The following FAM161A variants were observed in gnomAD, a reference collection of about 807,000 sequenced individuals.
FAM161A encodes FAM161 centrosomal protein A.
FAM161A carries 57 observed loss-of-function variants against 70.9 expected under a neutral mutation model. The ratio of observed to expected loss-of-function variants is 0.80; its 90% CI spans 0.65 to 1.00. FAM161A has a LOEUF of 1.00. FAM161A is among the 50% of genes least tolerant of loss of function. FAM161A has a pLI of 0.00. For synonymous variants in FAM161A, 299 were observed against 295.7 expected (o/e 1.01, Z -0.12); for missense variants, 880 against 836.0 (o/e 1.05, Z -0.65).
the FAM161A span, among the ~76,000 whole-genome samples, chr2:61,806,082 G>A: frequency 6.6e-6 from 1 of 152,108 alleles, no homozygotes; most frequent in East Asian, 1.9e-4. Context: ...GCCGGGTGTG[G>A]TGGCACATGC....
chr2:61,847,362 T>G (rs1164873768), intron 1 of FAM161A, among the ~76,000 whole-genome samples: 1 of 152,196 alleles, frequency 6.6e-6, no homozygotes, highest in Non-Finnish European at 1.5e-5. Context: ...GGACTCACTG[T>G]CAGCCCCCTT....
chr2:61,803,792 C>A, the FAM161A span, among the ~76,000 whole-genome samples: 1 of 151,994 alleles, frequency 6.6e-6, no homozygotes, highest in African/African-American at 2.4e-5. Context: ...CCAGCCTGGG[C>A]ACAGAGAAAG....
chr2:61,820,326 T>TGTGGTCATGC (rs1406814168), downstream of FAM161A: 10 of 742,796 alleles, frequency 1.3e-5, no homozygotes, highest in Non-Finnish European at 2.5e-5. Context: ...TCACAGGCTG[T>TGTGGTCATGC]GTGGTCATGA....
chr2:61,838,185 C>T (rs1364285243), intron 4 of FAM161A, among the ~76,000 whole-genome samples: 4 of 152,146 alleles, frequency 2.6e-5, no homozygotes, highest in Non-Finnish European at 5.9e-5. Context: ...CAGATTTCAT[C>T]CAAACCTTAG....
chr2:61,820,967 G>A (rs1395038848), downstream of FAM161A, among the ~76,000 whole-genome samples: 1 of 152,156 alleles, frequency 6.6e-6, no homozygotes, highest in Non-Finnish European at 1.5e-5. Context: ...CAGGCTCTTA[G>A]AGGCAGACTC....
At chr2:61,803,674 C>A in the FAM161A span, among the ~76,000 whole-genome samples, 1 of 152,132 alleles carries the variant, frequency 6.6e-6, no homozygotes, top group Non-Finnish European at 1.5e-5. Context: ...ATTAGCTGGG[C>A]ATGGTGACAC....
downstream of FAM161A, among the ~76,000 whole-genome samples, chr2:61,824,645 G>A (rs1672284710): frequency 1.3e-5 from 2 of 152,002 alleles, no homozygotes; most frequent in South Asian, 2.1e-4. Flanking sequence ...CTGAAGCCAA[G>A]TGTTTCATGA....
chr2:61,825,172 C>A lies in FAM161A; in HGVS notation c.*1283G>T. The A allele has an allele frequency of 6.8e-6, 3 of 438,152 alleles. No individual in the cohort carries two copies. The highest frequency in any genetic ancestry group is 5.0e-5 in the South Asian group (3 of 59,448). 27.1% of individuals were successfully genotyped at this position (438,152 alleles called of 1,614,324 possible). On this transcript the variant is annotated 3_prime_UTR_variant, in exon 7 of 7. Coordinates refer to ENST00000404929, the MANE Select transcript of FAM161A (RefSeq NM_001201543.2). ...TTTTTAGAAAAGAAAATGTCTTATG[C>A]TATATTATCTTTATGATTGGCTTCA... is the stretch of plus-strand genomic sequence containing the variant.
At chr2:61,807,668 C>T in the FAM161A span, among the ~76,000 whole-genome samples, 1 of 125,780 alleles carries the variant, frequency 8.0e-6, no homozygotes, top group Non-Finnish European at 1.6e-5. Context: ...GAGACAAGGT[C>T]TTGCCCTGTC....
the FAM161A span, among the ~76,000 whole-genome samples, chr2:61,806,195 G>A: frequency 2.0e-5 from 3 of 152,062 alleles, no homozygotes; most frequent in Admixed American, 2.0e-4. Flanking sequence ...TCAAGCCTGG[G>A]CGACAGAGCA....
In FAM161A at chr2:61,825,250, G is replaced by T. The variant is rs900832338; in HGVS notation, c.*1205C>A. 2.2e-6 allele frequency: 1 copy of T among 452,454 alleles called. No individual in the cohort carries two copies. Among genetic ancestry groups the T allele is most frequent in the African/African-American group, 2.0e-5 (1 of 49,962 alleles). The allele number at this position is 452,454 out of a possible 1,614,324, so 28.0% of individuals were successfully genotyped here. On this transcript the variant is annotated 3_prime_UTR_variant, in exon 7 of 7. Transcript: ENST00000404929. ...AAAAAAATATAGATTTATAAAATCAGATTAACACTGTACACAGAGAGATAA... is the reference window on the plus strand; with the variant it reads ...AAAAAAATATAGATTTATAAAATCATATTAACACTGTACACAGAGAGATAA...
At position 61,825,357 on chromosome 2, in the gene FAM161A, T is replaced by C. The variant is rs1221405474; in HGVS notation, c.*1098A>G. 2 of 454,070 alleles carry C rather than the reference T, an allele frequency of 4.4e-6. No homozygotes were observed. The highest frequency in any genetic ancestry group is 8.8e-6 in the Non-Finnish European group (2 of 226,784). The allele number at this position is 454,070 out of a possible 1,614,324, so 28.1% of individuals were successfully genotyped here. On this transcript the variant is annotated 3_prime_UTR_variant, in exon 7 of 7. Coordinates refer to ENST00000404929, the MANE Select transcript of FAM161A (RefSeq NM_001201543.2). ...GTTAAATCTGAATTACTTTGGAGAC[T>C]TGCCCTAGCCAAGTTATTATGCACA...
chr2:61,852,879 C>A (rs1473824164), intron 1 of FAM161A, among the ~76,000 whole-genome samples: 1 of 150,774 alleles, frequency 6.6e-6, no homozygotes, highest in African/African-American at 2.4e-5. Flanking sequence ...GCTTTGGACA[C>A]ATGGTATTAG....
At chr2:61,811,347 G>A in the FAM161A span, among the ~76,000 whole-genome samples, 7 of 152,032 alleles carry the variant, frequency 4.6e-5, no homozygotes, top group South Asian at 2.1e-4. Flanking sequence ...ACAGGTATGC[G>A]CCGCCGCACC....
At chr2:61,823,100 C>T (rs188819373), downstream of FAM161A, among the ~76,000 whole-genome samples, 1,364 of 150,834 alleles carry the variant, frequency 9.0e-3, 16 homozygotes, top group Non-Finnish European at 0.015. Flanking sequence ...TTTGGGAGGC[C>T]GAGGCAGATG....
chr2:61,835,175 A>G (rs1378812884), intron 5 of FAM161A, among the ~76,000 whole-genome samples: 3 of 152,242 alleles, frequency 2.0e-5, no homozygotes, highest in Non-Finnish European at 4.4e-5. Flanking sequence ...TGTTACAGGT[A>G]AATTCTCCAA....
rs979342851 is a variant in FAM161A at position 61,827,119 on chromosome 2, G to A, written c.1991C>T (p.Thr664Ile). Reference sequence around the variant, plus strand: ...TATATGTTACCTTTCTTTGTCTTCAGTGACACTTTTCGTCTCTTGATTGTT... The same window carrying A: ...TATATGTTACCTTTCTTTGTCTTCAATGACACTTTTCGTCTCTTGATTGTT... ...YFNNQETKSV[T>I]EDKESFNEEE... The change falls in exon 6 of 7, where the codon ACT becomes ATT. Residue 664 changes from threonine to isoleucine, a missense_variant. Physicochemically the swap from Thr to Ile is moderately conservative, Grantham distance 89. Transcript: ENST00000404929. 2.5e-6 allele frequency: 4 copies of A among 1,613,602 alleles called. No individual in the cohort carries two copies. In the African/African-American group the frequency reaches 5.3e-5, roughly 22 times the overall value.
chr2:61,848,415 C>A (rs1673309161), intron 1 of FAM161A, among the ~76,000 whole-genome samples: 2 of 152,056 alleles, frequency 1.3e-5, no homozygotes, highest in South Asian at 4.1e-4. Flanking sequence ...TTAATTGTCT[C>A]CACTGAGAAA....
chr2:61,820,539 A>G (rs1181375748), downstream of FAM161A: 2 of 744,782 alleles, frequency 2.7e-6, no homozygotes, highest in Non-Finnish European at 2.5e-6. Context: ...GCATTAAAGA[A>G]GACACTGAAG....
Sources: allele counts gnomAD v4.1 joint callset (sites outside exome capture counted in the v4.1 genomes callset), GRCh38; gene constraint gnomAD v4.1.1; transcripts MANE v1.5; gene names NCBI Gene and HGNC (gene_info 2026-07-23, HGNC 2026-07-21).